TLCD5: variants seen among roughly 807,000 people sequenced by gnomAD.
TLCD5 encodes TLC domain containing 5.
TLCD5 carries 15 observed loss-of-function variants against 20.5 expected under a neutral mutation model. That is an observed-to-expected ratio of 0.73 (90% CI 0.49 to 1.13). The LOEUF is 1.13. Among genes scored for constraint, TLCD5 ranks in the 50% most tolerant of loss-of-function variants. TLCD5 has a pLI of 0.00. For missense variants in TLCD5, 289 were observed against 305.6 expected, an observed-to-expected ratio of 0.95 and a Z score of 0.41; for synonymous variants, 107 against 114.7, an observed-to-expected ratio of 0.93 and a Z score of 0.43.
chr11:120,327,366 T>C (rs1266923627), intron 1 of TLCD5, 75 bp from the exon 2 acceptor site: 1 of 1,611,512 alleles, frequency 6.2e-7, no homozygotes, highest in Admixed American at 1.7e-5. Context: ...AATGAGGATA[T>C]ATACACAAAA....
rs1300649777 is a variant in TLCD5, at chr11:120,331,952, T to C, written c.*1437T>C. On this transcript the variant is annotated 3_prime_UTR_variant, in exon 3 of 3. Coordinates refer to ENST00000375095, the MANE Select transcript of TLCD5 (RefSeq NM_001198671.2). The surrounding 1 kb of genome is among the most constrained non-coding windows in gnomAD (Gnocchi z 4.5). Reference sequence around the variant, plus strand: ...CCTCAGGGGGATGAGGTTAATTTTTTTTTTTCATTTTAGATACTTTCCCTT... The same window carrying C: ...CCTCAGGGGGATGAGGTTAATTTTTCTTTTTCATTTTAGATACTTTCCCTT... 6.6e-6 allele frequency: 1 copy of C among 152,218 alleles called. No homozygotes were observed. Among genetic ancestry groups the C allele is most frequent in the African/African-American group, 2.4e-5 (1 of 41,448 alleles). The allele number at this position is 152,218 out of a possible 1,614,324, so 9.4% of individuals were successfully genotyped here.
chr11:120,330,587 A>G lies in TLCD5; in HGVS notation c.*72A>G. ...ACCAGGTTGGAAATATGACTGTTAC[A>G]TAATTACACTTATAACAAACTTAGG... On this transcript the variant is annotated 3_prime_UTR_variant, in exon 3 of 3. Transcript: ENST00000375095. 6 of 1,483,980 alleles carry G rather than the reference A, an allele frequency of 4.0e-6. No individual in the cohort carries two copies. The highest frequency in any genetic ancestry group is 4.5e-6 in the Non-Finnish European group (5 of 1,109,558). 91.9% of individuals were successfully genotyped at this position (1,483,980 alleles called of 1,614,324 possible).
chr11:120,327,776 A>G, intron 2 of TLCD5, 136 bp downstream of exon 2: 1 of 868,434 alleles, frequency 1.2e-6, no homozygotes, highest in Non-Finnish European at 1.7e-6. Flanking sequence ...ATTCTTCTTC[A>G]TTGTTAACTC....
chr11:120,330,149 A>G lies in TLCD5; in HGVS notation c.372A>G (p.Thr124=). ...CCCTTGTGCTTGGGGAGTCTGGCACAGAGGTCAATGCAGTCCTCTTTGGAA... is the reference window on the plus strand; with the variant it reads ...CCCTTGTGCTTGGGGAGTCTGGCACGGAGGTCAATGCAGTCCTCTTTGGAA... ...IMALVLGESG[T]EVNAVLFGSE... is the part of the protein sequence containing the mutation. Residue 124 remains threonine, a synonymous_variant, in exon 3 of 3, where the codon ACA becomes ACG. Transcript: ENST00000375095. 6.2e-7 allele frequency: 1 copy of G among 1,609,696 alleles called. No individual in the cohort carries two copies. Among genetic ancestry groups the G allele is most frequent in the Middle Eastern group, 1.7e-4 (1 of 6,058 alleles).
At chr11:120,327,228 C>A (rs1226999016) in intron 1 of TLCD5, 2 of 786,304 alleles carry the variant, frequency 2.5e-6, no homozygotes, top group East Asian at 2.7e-5. Flanking sequence ...CAACATTGAC[C>A]AGTTGCTAAC....
At chr11:120,327,118 C>A in intron 1 of TLCD5, 1 of 486,364 alleles carries the variant, frequency 2.1e-6, no homozygotes, top group Non-Finnish European at 3.6e-6. Flanking sequence ...TATTATTGCC[C>A]AAGGTCAGTC....
At position 120,330,460 on chromosome 11, in the gene TLCD5, G is replaced by A; in HGVS notation, c.683G>A (p.Ser228Asn). ...ATCAAGAAGTACCATGCTTGGAGAA[G>A]CAGGCGGAGTGAGGAACGGCAGCTG... ...KSIKKYHAWR[S>N]RRSEERQLKH... The change falls in exon 3 of 3, where the codon AGC (serine) becomes AAC (asparagine). Residue 228 changes from serine to asparagine, a missense_variant. Transcript: ENST00000375095. 2.5e-6 allele frequency: 4 copies of A among 1,614,140 alleles called. No individual in the cohort carries two copies. The South Asian group carries it at 4.4e-5, about 18-fold the overall frequency.
In TLCD5 at chr11:120,330,850, T is replaced by G. The variant is rs575038541; in HGVS notation, c.*335T>G. The G allele has an allele frequency of 2.3e-4, 47 of 202,460 alleles. No homozygotes were observed. The highest frequency in any genetic ancestry group is 1.1e-3 in the African/African-American group (46 of 43,560). 12.5% of individuals were successfully genotyped at this position (202,460 alleles called of 1,614,324 possible). A position where few individuals can be genotyped will look rare whatever the true frequency, so the allele number is the denominator to read the frequency against. On this transcript the variant is annotated 3_prime_UTR_variant, in exon 3 of 3. Coordinates refer to ENST00000375095, the MANE Select transcript of TLCD5 (RefSeq NM_001198671.2). ...ATGTTCAGGCAGTTTAGAAAGGAAC[T>G]CGAAAAAGATTAGTGCTATTTCTTG...
Position 120,330,499 on chromosome 11 carries a change from A to G in TLCD5, c.722A>G (p.His241Arg), listed in dbSNP as rs774389908. 4.3e-6 allele frequency: 7 copies of G among 1,612,124 alleles called. No homozygotes were observed. The East Asian group carries it at 6.7e-5, about 15-fold the overall frequency. Residue 241 changes from histidine to arginine, a missense_variant, in exon 3 of 3, where the codon CAT (histidine) becomes CGT (arginine). His to Arg is a conservative substitution (Grantham distance 29). Transcript: ENST00000375095. ...GAACGGCAGCTGAAACACAACGGAC[A>G]TCTCAAAATACACTAGCCAAGGCTT... ...SEERQLKHNG[H>R]LKIH
intron 2 of TLCD5, 32 bp downstream of exon 2, chr11:120,327,672 G>A (rs770296945): frequency 6.3e-7 from 1 of 1,596,844 alleles, no homozygotes; most frequent in Non-Finnish European, 8.5e-7. Flanking sequence ...AGGGATTTAT[G>A]ATTTGGGGGT....
Position 120,330,011 on chromosome 11 carries a change from G to C in TLCD5, c.234G>C (p.Leu78=), listed in dbSNP as rs1478562154. The C allele has an allele frequency of 6.2e-7, 1 of 1,613,990 alleles. No homozygotes were observed. Among genetic ancestry groups the C allele is most frequent in the Non-Finnish European group, 8.5e-7 (1 of 1,180,012 alleles). Residue 78 remains leucine (L), a synonymous_variant, in exon 3 of 3, where the codon CTG becomes CTC. Transcript: ENST00000375095. ...ATACACCTCTCCAAGTTCATGTCCT[G>C]TGTCTCACCTTGGGCTACTTCATCT... ...SPNTPLQVHV[L]CLTLGYFIFD... is the part of the protein sequence containing the mutation.
intron 2 of TLCD5, among the ~76,000 whole-genome samples, chr11:120,328,678 A>AGT (rs36145001): frequency 0.036 from 876 of 24,034 alleles, 16 homozygotes; most frequent in African/African-American, 0.074. Flanking sequence ...TAACAGTCAT[A>AGT]GTGTGTGTGT....
chr11:120,325,423 C>T (rs1384288586), intron 1 of TLCD5, 55 bp downstream of exon 1: 2 of 152,158 alleles, frequency 1.3e-5, no homozygotes, highest in Admixed American at 1.3e-4. Flanking sequence ...CCGCGCGGCC[C>T]ATTGGTGGGG....
At chr11:120,327,220 A>G (rs1211707309) in intron 1 of TLCD5, 5 of 753,442 alleles carry the variant, frequency 6.6e-6, no homozygotes, top group Non-Finnish European at 8.4e-6. Flanking sequence ...CCAGTTTACA[A>G]CATTGACCAG....
intron 1 of TLCD5, among the ~76,000 whole-genome samples, chr11:120,325,609 A>C (rs1266537777): frequency 6.6e-6 from 1 of 151,364 alleles, no homozygotes; most frequent in Non-Finnish European, 1.5e-5. Flanking sequence ...CGCCGCGCGG[A>C]GATGCGATCG....
chr11:120,329,326 T>A (rs1942097458), intron 2 of TLCD5, among the ~76,000 whole-genome samples: 1 of 152,170 alleles, frequency 6.6e-6, no homozygotes, highest in Non-Finnish European at 1.5e-5. Flanking sequence ...TTTAAAATAT[T>A]TCTTTAGCTT....
chr11:120,329,195 C>T (rs1942094185), intron 2 of TLCD5, among the ~76,000 whole-genome samples: 1 of 151,678 alleles, frequency 6.6e-6, no homozygotes, highest in Non-Finnish European at 1.5e-5. Flanking sequence ...AACTTGATTA[C>T]CTCTTTAAAG....
chr11:120,330,670 ACCAG>A lies in TLCD5; in HGVS notation c.*156_*159del, dbSNP rs1183327149. ...TGGTCAGTCTTCAAGCCGAGCATATACCAGTATTAAAACACTAACTTCTACAGTA... is the reference window on the plus strand; with the variant it reads ...TGGTCAGTCTTCAAGCCGAGCATATATATTAAAACACTAACTTCTACAGTA... On this transcript the variant is annotated 3_prime_UTR_variant, in exon 3 of 3. Transcript: ENST00000375095. 4 of 808,176 alleles carry A rather than the reference ACCAG, an allele frequency of 4.9e-6. No individual in the cohort carries two copies. Among genetic ancestry groups the A allele is most frequent in the Middle Eastern group, 3.8e-4 (1 of 2,664 alleles). 50.1% of individuals were successfully genotyped at this position (808,176 alleles called of 1,614,324 possible).
In TLCD5 at chr11:120,325,818, C is replaced by T. The variant is rs568365244; in HGVS notation, c.-2+450C>T. Among the ~76,000 whole-genome samples the T allele has an allele frequency of 2.6e-5, 4 of 152,362 alleles. No homozygotes were observed. The South Asian group carries it at 6.2e-4, about 24-fold the overall frequency. ...AGCCGAAACCCACACAGGGAGTTCC[C>T]AAGGTCACAGAGTTGTGTCTGCCAT... On this transcript the variant is annotated intron_variant, in intron 1 of 2. Transcript: ENST00000375095.
Sources: allele counts gnomAD v4.1 joint callset (sites outside exome capture counted in the v4.1 genomes callset), GRCh38; gene constraint gnomAD v4.1.1; non-coding constraint Gnocchi (gnomAD v3.1); transcripts MANE v1.5; gene names NCBI Gene and HGNC (gene_info 2026-07-23, HGNC 2026-07-21).